Variants in ANKRD30B observed in about 807,000 individuals in gnomAD.
The protein encoded by ANKRD30B is ankyrin repeat domain 30B, also known as ankyrin repeat domain-containing protein 30B.
Under a neutral mutation model 202.2 loss-of-function variants are expected in ANKRD30B, and 144 were observed. The ratio of observed to expected loss-of-function variants is 0.71; its 90% CI spans 0.62 to 0.82. The LOEUF is 0.82. Ranked by LOEUF, ANKRD30B falls within the 40% of genes least tolerant of loss-of-function variation. The pLI, the probability that ANKRD30B is intolerant of heterozygous loss-of-function variation, is 0.00. For missense variants in ANKRD30B, 1,487 were observed against 1,669.1 expected, an observed-to-expected ratio of 0.89 and a Z score of 1.90; for synonymous variants, 508 against 561.3, an observed-to-expected ratio of 0.91 and a Z score of 1.34.
At chr18:14,808,467 A>T in intron 24 of ANKRD30B, 84 bp from the exon 25 acceptor site, 1 of 1,307,238 alleles carries the variant, frequency 7.6e-7, no homozygotes, top group Non-Finnish European at 1.1e-6. Context: ...ATGAGGACTC[A>T]TCTTCATATT....
chr18:14,881,643 T>C, the ANKRD30B span, among the ~76,000 whole-genome samples: 32 of 152,178 alleles, frequency 2.1e-4, no homozygotes, highest in Non-Finnish European at 4.1e-4. Flanking sequence ...TGTGGAATAG[T>C]GTGAAAGGAT....
chr18:14,758,666 C>G (rs1267563309), intron 5 of ANKRD30B, among the ~76,000 whole-genome samples: 1 of 152,208 alleles, frequency 6.6e-6, no homozygotes, highest in African/African-American at 2.4e-5. Context: ...GACCATTCTC[C>G]TCCCACTCAA....
intron 10 of ANKRD30B, 43 bp downstream of exon 10, chr18:14,778,118 T>C: frequency 1.5e-6 from 2 of 1,334,088 alleles, no homozygotes; most frequent in African/African-American, 1.5e-5. Flanking sequence ...GACCAAATGT[T>C]TGTCTAAATT....
the ANKRD30B span, among the ~76,000 whole-genome samples, chr18:14,879,619 C>T: frequency 6.6e-6 from 1 of 151,188 alleles, no homozygotes; most frequent in Non-Finnish European, 1.5e-5. Flanking sequence ...GAGTTAGGGT[C>T]AGAGTTAAGG....
At chr18:14,757,704 G>C in intron 4 of ANKRD30B, 111 bp from the exon 5 acceptor site, 2 of 1,183,408 alleles carry the variant, frequency 1.7e-6, no homozygotes, top group Admixed American at 3.0e-5. Flanking sequence ...ATAAACACTT[G>C]AGCACTCAAG....
At chr18:14,872,171 C>T in the ANKRD30B span, among the ~76,000 whole-genome samples, 2 of 152,210 alleles carry the variant, frequency 1.3e-5, no homozygotes, top group Non-Finnish European at 1.5e-5. Context: ...CTGACCATCT[C>T]TCAGCCAGGA....
At chr18:14,821,144 T>C (rs905092586) in intron 30 of ANKRD30B, among the ~76,000 whole-genome samples, 3 of 152,236 alleles carry the variant, frequency 2.0e-5, no homozygotes, top group African/African-American at 7.2e-5. Context: ...TTCTAGTTTA[T>C]TTGCGTAGAG....
the ANKRD30B span, among the ~76,000 whole-genome samples, chr18:14,892,791 T>G: frequency 6.8e-6 from 1 of 146,912 alleles, no homozygotes; most frequent in Admixed American, 6.9e-5. Context: ...GGTGGTGAAT[T>G]CCTATAATTC....
chr18:14,770,412 G>C (rs1226449747), intron 8 of ANKRD30B, among the ~76,000 whole-genome samples: 1 of 152,154 alleles, frequency 6.6e-6, no homozygotes, highest in Admixed American at 6.6e-5. Context: ...TATTTAAACT[G>C]ATTTCAAAGC....
chr18:14,796,382 T>A lies in ANKRD30B; in HGVS notation c.1894T>A (p.Leu632Ile). ...GAAAGTTTCTCTTCCAAATAAAGCC[T>A]TAGAATTAAAGGACAGAGAAACATT... ...GRKVSLPNKA[L>I]ELKDRETFKA... Residue 632 changes from leucine to isoleucine, a missense_variant, in exon 18 of 44, where the codon TTA becomes ATA. Transcript: ENST00000690538. 1 of 1,563,234 alleles carries A rather than the reference T, an allele frequency of 6.4e-7. No homozygotes were observed. Among genetic ancestry groups the A allele is most frequent in the Non-Finnish European group, 8.7e-7 (1 of 1,153,116 alleles).
chr18:14,885,866 G>C, the ANKRD30B span, among the ~76,000 whole-genome samples: 1 of 151,700 alleles, frequency 6.6e-6, no homozygotes, highest in African/African-American at 2.4e-5. Context: ...GTTTACTTTT[G>C]TTATCATTTC....
chr18:14,898,714 G>T, the ANKRD30B span, among the ~76,000 whole-genome samples: 2 of 151,944 alleles, frequency 1.3e-5, no homozygotes, highest in Admixed American at 1.3e-4. Flanking sequence ...CTCATTAATT[G>T]TAGGTTACCA....
At chr18:14,751,324 T>G (rs190048635) in intron 1 of ANKRD30B, among the ~76,000 whole-genome samples, 1 of 152,186 alleles carries the variant, frequency 6.6e-6, no homozygotes, top group African/African-American at 2.4e-5. Context: ...TTTTAATCCA[T>G]TTATCACATG....
At chr18:14,753,099 A>G in intron 3 of ANKRD30B, 87 bp downstream of exon 3, 1 of 1,064,992 alleles carries the variant, frequency 9.4e-7, no homozygotes, top group Non-Finnish European at 1.3e-6. Flanking sequence ...ATTTGGAAAC[A>G]CAAACATTCC....
intron 33 of ANKRD30B, 91 bp from the exon 34 acceptor site, chr18:14,831,292 A>AT: frequency 1.3e-6 from 1 of 797,212 alleles, no homozygotes; most frequent in Non-Finnish European, 2.0e-6. Context: ...TTTTGTTCTC[A>AT]TTTTTTGGAG....
At chr18:14,878,965 C>T in the ANKRD30B span, among the ~76,000 whole-genome samples, 2,582 of 152,182 alleles carry the variant, frequency 0.017, 82 homozygotes, top group African/African-American at 0.059. Flanking sequence ...GCACAGACTT[C>T]GGAGATATAG....
At chr18:14,828,347 CAG>C (rs1970752038) in intron 33 of ANKRD30B, 39 bp downstream of exon 33, 1 of 1,395,656 alleles carries the variant, frequency 7.2e-7, no homozygotes, top group African/African-American at 1.5e-5. Context: ...TATGTTAACT[CAG>C]AAAATATAGA....
chr18:14,860,194 G>A, the ANKRD30B span, among the ~76,000 whole-genome samples: 1 of 146,956 alleles, frequency 6.8e-6, no homozygotes, highest in Non-Finnish European at 1.5e-5. Flanking sequence ...CCTCCCAGAT[G>A]ATGGGCAGCA....
chr18:14,851,237 G>GT (rs375734323), intron 41 of ANKRD30B, among the ~76,000 whole-genome samples: 49,783 of 141,060 alleles, frequency 0.35, 8,826 homozygotes, highest in Middle Eastern at 0.39. Context: ...TTCAGGGAAA[G>GT]TTTTTTTTTT....
Sources: gnomAD v4.1 joint callset for allele counts (sites outside exome capture counted in the v4.1 genomes callset) on GRCh38, gnomAD v4.1.1 for gene constraint, MANE v1.5 for transcripts, NCBI Gene and HGNC (gene_info 2026-07-23, HGNC 2026-07-21) for gene names.